CTNNA1: variants seen among roughly 807,000 people sequenced by gnomAD.
The protein encoded by CTNNA1 is catenin alpha 1.
A neutral mutation model predicts 98.4 loss-of-function variants in CTNNA1; 37 were observed. The observed-to-expected ratio is 0.38, with a 90% CI of 0.29 to 0.49. The LOEUF is 0.49. Ranked by LOEUF, CTNNA1 falls within the 20% of genes least tolerant of loss-of-function variation. The pLI, the probability that CTNNA1 is intolerant of heterozygous loss-of-function variation, is 0.95. For synonymous variants in CTNNA1, 404 were observed against 413.2 expected (o/e 0.98, Z 0.27); for missense variants, 761 against 1,147.2 (o/e 0.66, Z 4.86).
intron 1 of CTNNA1, among the ~76,000 whole-genome samples, chr5:138,777,616 G>A (rs994577807): frequency 6.6e-6 from 1 of 152,014 alleles, no homozygotes; most frequent in African/African-American, 2.4e-5. Context: ...GGCACCTCTG[G>A]AGGCCGAGGC....
chr5:138,864,130 G>C (rs1764529070), intron 7 of CTNNA1, among the ~76,000 whole-genome samples: 1 of 152,132 alleles, frequency 6.6e-6, no homozygotes, highest in South Asian at 2.1e-4. Context: ...GCTACTTTTT[G>C]TATTTTTAGT....
intron 9 of CTNNA1, among the ~76,000 whole-genome samples, chr5:138,895,058 C>T (rs1390676142): frequency 3.3e-5 from 5 of 152,128 alleles, no homozygotes; most frequent in African/African-American, 1.2e-4. Context: ...GTCTGGCCCC[C>T]ACCCCATACT....
intron 7 of CTNNA1, among the ~76,000 whole-genome samples, chr5:138,852,463 T>TGG (rs543631762): frequency 0.02 from 630 of 31,286 alleles, 3 homozygotes; most frequent in African/African-American, 0.05. Flanking sequence ...CTTTGGGGGG[T>TGG]GGGGGGGGTA....
chr5:138,899,875 A>G (rs1757655664), intron 9 of CTNNA1, among the ~76,000 whole-genome samples: 1 of 152,250 alleles, frequency 6.6e-6, no homozygotes, highest in South Asian at 2.1e-4. Flanking sequence ...TAAGTGTACA[A>G]TTCAGATTTT....
intron 7 of CTNNA1, among the ~76,000 whole-genome samples, chr5:138,866,494 G>C (rs747770787): frequency 3.9e-5 from 6 of 151,940 alleles, no homozygotes; most frequent in Non-Finnish European, 7.4e-5. Context: ...TTGTCTCTAG[G>C]GCTGCAGTTT....
Position 138,803,500 on chromosome 5 carries a change from T to G in CTNNA1, c.302-6538T>G, listed in dbSNP as rs35671277. ...GAGCAGTCTTATTTATAACTTACTT[T>G]ATTACCCTTGAAATCTGGTGTGTGC... is the stretch of plus-strand genomic sequence containing the variant. On this transcript the variant is annotated intron_variant, in intron 3 of 17. Transcript: ENST00000302763. 7.5e-3 allele frequency among the ~76,000 whole-genome samples: 1,143 copies of G among 152,294 alleles called. 53 individuals are homozygous for G. The highest frequency in any genetic ancestry group is 0.065 in the Admixed American group (1,002 of 15,300).
chr5:138,816,141 T>C (rs1759412676), intron 5 of CTNNA1, among the ~76,000 whole-genome samples: 1 of 152,248 alleles, frequency 6.6e-6, no homozygotes. Flanking sequence ...ACATGTGGTA[T>C]TTATCTTCCT....
chr5:138,857,249 GA>G (rs1763807723), intron 7 of CTNNA1, among the ~76,000 whole-genome samples: 1 of 152,104 alleles, frequency 6.6e-6, no homozygotes, highest in African/African-American at 2.4e-5. Context: ...GCCGTCTTCA[GA>G]AATCTGGAGT....
chr5:138,898,871 T>C (rs1757450423), intron 9 of CTNNA1, among the ~76,000 whole-genome samples: 1 of 152,232 alleles, frequency 6.6e-6, no homozygotes, highest in South Asian at 2.1e-4. Context: ...ACATTTTCCA[T>C]AAGATGAAAA....
intron 4 of CTNNA1, 43 bp from the exon 5 acceptor site, chr5:138,812,140 A>G (rs1299575944): frequency 6.3e-7 from 1 of 1,586,186 alleles, no homozygotes; most frequent in Non-Finnish European, 8.6e-7. Flanking sequence ...TTACAGACCT[A>G]CATTCAGAAT....
chr5:138,854,354 C>CTAAA (rs1763527989), intron 7 of CTNNA1, among the ~76,000 whole-genome samples: 1 of 152,122 alleles, frequency 6.6e-6, no homozygotes, highest in Non-Finnish European at 1.5e-5. Flanking sequence ...AAGAAATGAG[C>CTAAA]TAAATAATGG....
intron 5 of CTNNA1, among the ~76,000 whole-genome samples, chr5:138,816,937 G>A (rs55946784): frequency 0.038 from 5,726 of 152,242 alleles, 385 homozygotes; most frequent in African/African-American, 0.13. Flanking sequence ...GGCCTCAAAA[G>A]TGATCCACCT....
intron 13 of CTNNA1, among the ~76,000 whole-genome samples, chr5:138,927,876 G>A (rs1244681952): frequency 6.6e-6 from 1 of 152,088 alleles, no homozygotes; most frequent in Admixed American, 6.6e-5. Flanking sequence ...AGTCCCGAAG[G>A]CATGTGTGAC....
chr5:138,874,082 T>A lies in CTNNA1; in HGVS notation c.1063-12130T>A, dbSNP rs1750999011. ...GGAGTTGGAACGTAAATGCAAGGTCTGCAGCTTCCGAAGGCCATAGAAGAG... is the reference window on the plus strand; with the variant it reads ...GGAGTTGGAACGTAAATGCAAGGTCAGCAGCTTCCGAAGGCCATAGAAGAG... On this transcript the variant is annotated intron_variant, in intron 7 of 17. Coordinates refer to ENST00000302763, the MANE Select transcript of CTNNA1 (RefSeq NM_001903.5). The surrounding 1 kb of genome is among the most constrained non-coding windows in gnomAD (Gnocchi z 4.1). The A allele has an allele frequency of 1.1e-5, 17 of 1,613,926 alleles. No homozygotes were observed. In the East Asian group the frequency reaches 3.8e-4, roughly 36 times the overall value.
chr5:138,791,311 A>G (rs1756329786), intron 3 of CTNNA1, among the ~76,000 whole-genome samples: 1 of 152,148 alleles, frequency 6.6e-6, no homozygotes. Flanking sequence ...ATCATTACAT[A>G]AATCATCTTT....
At chr5:138,797,535 G>A (rs1033595052) in intron 3 of CTNNA1, among the ~76,000 whole-genome samples, 4 of 152,136 alleles carry the variant, frequency 2.6e-5, no homozygotes, top group African/African-American at 9.7e-5. Context: ...TCTCTACTGG[G>A]CTGGCAAAAA....
At chr5:138,765,947 CAAAAAAAAAAAAAAA>C (rs1026779147) in intron 1 of CTNNA1, among the ~76,000 whole-genome samples, 2 of 48,506 alleles carry the variant, frequency 4.1e-5, no homozygotes, top group African/African-American at 1.3e-4. Context: ...GACTCTGTCT[CAAAAAAAAAAAAAAA>C]AAAAAAAAAG....
At chr5:138,899,442 T>C (rs1561687217) in intron 9 of CTNNA1, among the ~76,000 whole-genome samples, 1 of 152,208 alleles carries the variant, frequency 6.6e-6, no homozygotes, top group African/African-American at 2.4e-5. Flanking sequence ...TTGATTAGAA[T>C]TTGGAGTGGG....
intron 7 of CTNNA1, among the ~76,000 whole-genome samples, chr5:138,850,680 C>G (rs1447147526): frequency 6.6e-6 from 1 of 152,166 alleles, no homozygotes; most frequent in Non-Finnish European, 1.5e-5. Context: ...TCACTGTAGT[C>G]TCTTTCAGTT....
Sources: allele counts gnomAD v4.1 joint callset (sites outside exome capture counted in the v4.1 genomes callset), GRCh38; gene constraint gnomAD v4.1.1; non-coding constraint Gnocchi (gnomAD v3.1); transcripts MANE v1.5; gene names NCBI Gene and HGNC (gene_info 2026-07-23, HGNC 2026-07-21).